PIP5K1C: variants seen among roughly 807,000 people sequenced by gnomAD.
PIP5K1C encodes the protein phosphatidylinositol 4-phosphate 5-kinase type-1 gamma.
In PIP5K1C, 45 loss-of-function variants were observed where a neutral mutation model predicts 80.1. That is an observed-to-expected ratio of 0.56 (90% CI 0.44 to 0.72). PIP5K1C has a LOEUF of 0.72. PIP5K1C is among the 30% of genes least tolerant of loss of function. The pLI is 0.00. For missense variants in PIP5K1C, 753 were observed against 954.6 expected, an observed-to-expected ratio of 0.79 and a Z score of 2.78; for synonymous variants, 498 against 420.1, an observed-to-expected ratio of 1.19 and a Z score of -2.27.
At chr19:3,662,070 C>T (rs1009129145) in intron 3 of PIP5K1C, 69 bp from the exon 4 acceptor site, 33 of 1,512,760 alleles carry the variant, frequency 2.2e-5, no homozygotes, top group Admixed American at 5.9e-5. Flanking sequence ...CTGTGTGCAC[C>T]GGGGGGTGGA....
rs376209749 is a variant in PIP5K1C at position 3,642,921 on chromosome 19, AGAC to A, written c.1665_1667del (p.Ser556del). The A allele has an allele frequency of 8.7e-6, 14 of 1,613,562 alleles. No individual in the cohort carries two copies. In the African/African-American group the frequency reaches 1.5e-4, roughly 17 times the overall value. On this transcript the variant is annotated inframe_deletion, in exon 14 of 18. Transcript: ENST00000335312. ...TTGGGTCTCACCTGCCATCCTGTCC[AGAC>A]GACTGTGTGCGCCGCCTGCAGAGAT... is the stretch of plus-strand genomic sequence containing the variant.
intron 16 of PIP5K1C, among the ~76,000 whole-genome samples, chr19:3,635,504 A>G (rs1034029982): frequency 6.6e-6 from 1 of 152,100 alleles, no homozygotes; most frequent in Non-Finnish European, 1.5e-5. Context: ...CCAACATGGT[A>G]AAACCCCATC....
Position 3,633,010 on chromosome 19 carries a change from G to GC in PIP5K1C, c.*156dup. The GC allele has an allele frequency of 1.8e-6, 1 of 549,962 alleles. No individual in the cohort carries two copies. The allele number at this position is 549,962 out of a possible 1,614,324, so 34.1% of individuals were successfully genotyped here. Reference sequence around the variant, plus strand: ...GCCCTGGGAGGCTTGTCGGGGAGGGGCCCGGCCGTCGGCATCCGTGCAGGG... The same window carrying GC: ...GCCCTGGGAGGCTTGTCGGGGAGGGGCCCCGGCCGTCGGCATCCGTGCAGGG... On this transcript the variant is annotated 3_prime_UTR_variant, in exon 18 of 18. Coordinates refer to ENST00000335312, the MANE Select transcript of PIP5K1C (RefSeq NM_012398.3).
Position 3,696,065 on chromosome 19 carries a change from A to C in PIP5K1C, c.94+4232T>G, listed in dbSNP as rs1463326932. Among the ~76,000 whole-genome samples, 1 of 152,182 alleles carries C rather than the reference A, an allele frequency of 6.6e-6. No individual in the cohort carries two copies. Among genetic ancestry groups the C allele is most frequent in the East Asian group, 1.9e-4 (1 of 5,184 alleles). ...TTTTTACACAGACCACCACAGCTAC[A>C]GGGAGGCCCTGGTGGCGGTGCTGAC... On this transcript the variant is annotated intron_variant, in intron 1 of 17. Transcript: ENST00000335312. This position sits in a 1 kb window ranked among gnomAD's most constrained non-coding sequence, Gnocchi z 4.1.
At chr19:3,681,673 G>A (rs2035593923) in intron 1 of PIP5K1C, among the ~76,000 whole-genome samples, 1 of 152,096 alleles carries the variant, frequency 6.6e-6, no homozygotes, top group Non-Finnish European at 1.5e-5. Flanking sequence ...CTATTTTACA[G>A]CTATGTAAAC....
intron 16 of PIP5K1C, among the ~76,000 whole-genome samples, chr19:3,634,327 T>G (rs1318116650): frequency 7.0e-6 from 1 of 142,868 alleles, no homozygotes; most frequent in African/African-American, 2.7e-5. Context: ...CTCCTGCCCC[T>G]AGGCTGCTCT....
rs1353670657 is a variant in PIP5K1C, at chr19:3,692,042, A to C, written c.94+8255T>G. Among the ~76,000 whole-genome samples the C allele has an allele frequency of 6.6e-6, 1 of 152,168 alleles. No individual in the cohort carries two copies. Among genetic ancestry groups the C allele is most frequent in the Non-Finnish European group, 1.5e-5 (1 of 68,012 alleles). On this transcript the variant is annotated intron_variant, in intron 1 of 17. Coordinates refer to ENST00000335312, the MANE Select transcript of PIP5K1C (RefSeq NM_012398.3). The surrounding 1 kb of genome is among the most constrained non-coding windows in gnomAD (Gnocchi z 5.2). ...TGGCCAGTCCAAGCACCGCACGGGA[A>C]GGGTGCACAGTGGGAGCTGCCCGCT...
intron 1 of PIP5K1C, among the ~76,000 whole-genome samples, chr19:3,670,560 G>C (rs1466158406): frequency 6.6e-6 from 1 of 152,256 alleles, no homozygotes; most frequent in Non-Finnish European, 1.5e-5. Context: ...CCAGAGCTGA[G>C]CCAGAACAAA....
chr19:3,636,644 T>A, intron 16 of PIP5K1C: 2 of 985,650 alleles, frequency 2.0e-6, no homozygotes, highest in African/African-American at 3.5e-5. Flanking sequence ...GCTGGCTCCG[T>A]GGGACGGAGC....
At chr19:3,700,206 C>G (rs1463716746) in intron 1 of PIP5K1C, 91 bp downstream of exon 1, 2 of 719,366 alleles carry the variant, frequency 2.8e-6, no homozygotes, top group African/African-American at 1.9e-5. Context: ...CCGCAGCGAC[C>G]GTGCAGCCCC....
At chr19:3,664,174 C>G (rs1373117304) in intron 3 of PIP5K1C, among the ~76,000 whole-genome samples, 1 of 152,180 alleles carries the variant, frequency 6.6e-6, no homozygotes, top group African/African-American at 2.4e-5. Flanking sequence ...ACAGGCTGAT[C>G]CACAGACGCA....
chr19:3,645,094 C>T (rs961648782), intron 11 of PIP5K1C, among the ~76,000 whole-genome samples: 3 of 152,178 alleles, frequency 2.0e-5, no homozygotes, highest in Admixed American at 1.3e-4. Flanking sequence ...TCCCTGACCT[C>T]GAGGCCGTGA....
chr19:3,639,300 G>A (rs555330668), intron 15 of PIP5K1C, among the ~76,000 whole-genome samples: 2 of 152,322 alleles, frequency 1.3e-5, no homozygotes, highest in Admixed American at 6.5e-5. Flanking sequence ...ACACCTGTGG[G>A]CACGTGCTGG....
intron 1 of PIP5K1C, among the ~76,000 whole-genome samples, chr19:3,687,559 GCACA>G (rs540278272): frequency 1.4e-5 from 2 of 144,364 alleles, no homozygotes; most frequent in African/African-American, 5.1e-5. Context: ...ACATGCACAC[GCACA>G]CACATGCACA....
rs2035970967 is a variant in PIP5K1C, at chr19:3,692,194, C to T, written c.94+8103G>A. Among the ~76,000 whole-genome samples the T allele has an allele frequency of 6.6e-6, 1 of 152,196 alleles. No individual in the cohort carries two copies. Among genetic ancestry groups the T allele is most frequent in the Non-Finnish European group, 1.5e-5 (1 of 68,030 alleles). ...CAAATGAGGAAACTGAGGCACGGAG[C>T]GGCTGGGCAACCGAACCCAATCATC... On this transcript the variant is annotated intron_variant, in intron 1 of 17. Coordinates refer to ENST00000335312, the MANE Select transcript of PIP5K1C (RefSeq NM_012398.3). The surrounding 1 kb of genome is among the most constrained non-coding windows in gnomAD (Gnocchi z 5.2).
In PIP5K1C at chr19:3,641,146, C is replaced by T. The variant is rs574296717; in HGVS notation, c.1787+559G>A. ...AGGAGAATCACTTGAACCTGGGAGA[C>T]GGAGGCTGCAGTGAGCCAAGATTGA... On this transcript the variant is annotated intron_variant, in intron 15 of 17. Coordinates refer to ENST00000335312, the MANE Select transcript of PIP5K1C (RefSeq NM_012398.3). 4.2e-4 allele frequency among the ~76,000 whole-genome samples: 64 copies of T among 151,908 alleles called. 1 individual carries two copies. The highest frequency in any genetic ancestry group is 4.1e-3 in the Admixed American group (63 of 15,264).
chr19:3,694,828 T>G (rs1353501008), intron 1 of PIP5K1C, among the ~76,000 whole-genome samples: 1 of 152,198 alleles, frequency 6.6e-6, no homozygotes, highest in Non-Finnish European at 1.5e-5. Context: ...CCTGGCCACT[T>G]GACCTCCCAG....
At chr19:3,644,360 C>T in intron 11 of PIP5K1C, 109 bp from the exon 12 acceptor site, 1 of 1,089,476 alleles carries the variant, frequency 9.2e-7, no homozygotes, top group African/African-American at 1.5e-5. Context: ...CCACCAGACC[C>T]CTACCGGTCC....
intron 11 of PIP5K1C, 63 bp from the exon 12 acceptor site, chr19:3,644,314 G>C: frequency 6.5e-7 from 1 of 1,549,006 alleles, no homozygotes; most frequent in Non-Finnish European, 8.8e-7. Flanking sequence ...AGCCCAGACA[G>C]GGCCGCCGCC....
Sources: allele counts gnomAD v4.1 joint callset (sites outside exome capture counted in the v4.1 genomes callset), GRCh38; gene constraint gnomAD v4.1.1; non-coding constraint Gnocchi (gnomAD v3.1); transcripts MANE v1.5; gene names NCBI Gene and HGNC (gene_info 2026-07-23, HGNC 2026-07-21).